Variants in RFTN2 observed in about 807,000 individuals in gnomAD.
RFTN2 encodes the protein raftlin family member 2.
RFTN2 carries 34 observed loss-of-function variants against 52.7 expected under a neutral mutation model. The observed-to-expected ratio is 0.64, with a 90% CI of 0.49 to 0.86. RFTN2 has a LOEUF of 0.86. Among genes scored for constraint, RFTN2 ranks in the 40% least tolerant of loss-of-function variants. RFTN2 has a pLI of 0.00. For missense variants in RFTN2, 536 were observed against 600.1 expected, an observed-to-expected ratio of 0.89 and a Z score of 1.12; for synonymous variants, 203 against 217.7, an observed-to-expected ratio of 0.93 and a Z score of 0.59.
chr2:197,607,669 A>G (rs111984882), intron 7 of RFTN2, among the ~76,000 whole-genome samples: 3 of 152,266 alleles, frequency 2.0e-5, no homozygotes, highest in African/African-American at 7.2e-5. Flanking sequence ...TGAAAACTGA[A>G]ATAAAATTTT....
At chr2:197,602,669 G>A (rs938603758) in intron 7 of RFTN2, among the ~76,000 whole-genome samples, 2 of 152,052 alleles carry the variant, frequency 1.3e-5, no homozygotes, top group African/African-American at 4.8e-5. Flanking sequence ...CTCCTGAGTA[G>A]CTGGGACTAC....
At chr2:197,665,730 A>G (rs1307587112) in intron 1 of RFTN2, among the ~76,000 whole-genome samples, 1 of 151,888 alleles carries the variant, frequency 6.6e-6, no homozygotes, top group African/African-American at 2.4e-5. Context: ...CAGCCAGTAT[A>G]TATGTTTTAA....
At chr2:197,583,767 ATCCC>A (rs376203997) in intron 8 of RFTN2, among the ~76,000 whole-genome samples, 1 of 151,724 alleles carries the variant, frequency 6.6e-6, no homozygotes, top group African/African-American at 2.4e-5. Flanking sequence ...TCCTAATGCT[ATCCC>A]TCCCCACTCC....
In RFTN2 at chr2:197,592,073, G is replaced by A. The variant is rs552247453; in HGVS notation, c.1233+3918C>T. On this transcript the variant is annotated intron_variant, in intron 8 of 8. Coordinates refer to ENST00000295049, the MANE Select transcript of RFTN2 (RefSeq NM_144629.3). ...GTGGGCGCCCAGGCTGAGGAGGCGC[G>A]GAGAGTGAGTGAGGGCTGCGAGGGT... Among the ~76,000 whole-genome samples the A allele has an allele frequency of 1.1e-4, 17 of 152,316 alleles. No homozygotes were observed. The East Asian group carries it at 2.1e-3, about 19-fold the overall frequency.
intron 6 of RFTN2, among the ~76,000 whole-genome samples, chr2:197,616,683 G>T (rs2088151238): frequency 6.6e-6 from 1 of 152,200 alleles, no homozygotes; most frequent in South Asian, 2.1e-4. Context: ...GGACCAGGAA[G>T]TGAGGACAAG....
chr2:197,659,635 T>G (rs1335633556), intron 1 of RFTN2, among the ~76,000 whole-genome samples: 1 of 151,938 alleles, frequency 6.6e-6, no homozygotes, highest in African/African-American at 2.4e-5. Flanking sequence ...CTGGCCAACA[T>G]GGTAAAACCC....
At chr2:197,584,609 GT>G (rs1414902587) in intron 8 of RFTN2, among the ~76,000 whole-genome samples, 1 of 152,162 alleles carries the variant, frequency 6.6e-6, no homozygotes, top group Non-Finnish European at 1.5e-5. Context: ...AAGCTCTTTA[GT>G]TTAATTAGAT....
chr2:197,641,605 G>T (rs761187939), intron 3 of RFTN2, among the ~76,000 whole-genome samples: 11 of 152,134 alleles, frequency 7.2e-5, no homozygotes, highest in South Asian at 2.1e-4. Flanking sequence ...TTTTAAGTTG[G>T]AGGATTGATA....
intron 4 of RFTN2, among the ~76,000 whole-genome samples, chr2:197,631,990 A>G (rs1216204870): frequency 6.6e-6 from 1 of 152,204 alleles, no homozygotes; most frequent in African/African-American, 2.4e-5. Context: ...ATTAAAAACC[A>G]CTGCTACAGA....
At chr2:197,594,920 C>T (rs1238997068) in intron 8 of RFTN2, among the ~76,000 whole-genome samples, 1 of 152,204 alleles carries the variant, frequency 6.6e-6, no homozygotes, top group Non-Finnish European at 1.5e-5. Context: ...ATGTACTAAA[C>T]AATGTTTTCT....
chr2:197,633,098 A>C (rs2088493302), intron 4 of RFTN2, among the ~76,000 whole-genome samples: 2 of 152,178 alleles, frequency 1.3e-5, no homozygotes, highest in South Asian at 4.1e-4. Flanking sequence ...ATGCCCACAA[A>C]GGTATCAGAA....
intron 6 of RFTN2, among the ~76,000 whole-genome samples, chr2:197,617,131 T>C (rs2106212011): frequency 6.6e-6 from 1 of 152,284 alleles, no homozygotes; most frequent in East Asian, 1.9e-4. Context: ...ATTCATAAGG[T>C]TAAAAAAAAC....
At chr2:197,624,769 T>A (rs929747926) in intron 5 of RFTN2, among the ~76,000 whole-genome samples, 2 of 152,018 alleles carry the variant, frequency 1.3e-5, no homozygotes, top group African/African-American at 2.4e-5. Flanking sequence ...AAGACCAGCC[T>A]GGGCAACATA....
chr2:197,611,553 A>C (rs893473990), intron 7 of RFTN2, among the ~76,000 whole-genome samples: 1 of 152,080 alleles, frequency 6.6e-6, no homozygotes, highest in Admixed American at 6.6e-5. Context: ...TGGTCTTTTC[A>C]AAAAACCAGC....
intron 7 of RFTN2, among the ~76,000 whole-genome samples, chr2:197,611,528 G>C (rs2106205902): frequency 6.6e-6 from 1 of 152,168 alleles, no homozygotes; most frequent in Non-Finnish European, 1.5e-5. Context: ...CTGGCTAGTG[G>C]TCTATGTATT....
chr2:197,617,748 A>T (rs2088169281), intron 6 of RFTN2, 52 bp downstream of exon 6: 3 of 674,474 alleles, frequency 4.4e-6, no homozygotes, highest in African/African-American at 2.0e-5. Context: ...TATATATATT[A>T]TATATTATAT....
chr2:197,580,946 C>CT (rs1453721462), intron 8 of RFTN2, among the ~76,000 whole-genome samples: 2 of 152,164 alleles, frequency 1.3e-5, no homozygotes, highest in Non-Finnish European at 2.9e-5. Context: ...CATTGCTGCC[C>CT]TTCGTCCCAA....
At chr2:197,637,853 C>T (rs1431473876) in intron 3 of RFTN2, among the ~76,000 whole-genome samples, 1 of 151,960 alleles carries the variant, frequency 6.6e-6, no homozygotes, top group Non-Finnish European at 1.5e-5. Context: ...TTGTATCTTT[C>T]CTGCTTTCTC....
intron 7 of RFTN2, among the ~76,000 whole-genome samples, chr2:197,599,499 T>C (rs543532162): frequency 5.5e-4 from 83 of 150,912 alleles, no homozygotes; most frequent in Non-Finnish European, 7.7e-4. Context: ...CCCGAGGCAG[T>C]GTGAGAAGGA....
Sources: allele counts gnomAD v4.1 joint callset (sites outside exome capture counted in the v4.1 genomes callset), GRCh38; gene constraint gnomAD v4.1.1; transcripts MANE v1.5; gene names NCBI Gene and HGNC (gene_info 2026-07-23, HGNC 2026-07-21).